Variants in ARVCF observed in about 807,000 individuals in gnomAD.
ARVCF encodes the protein splicing regulator ARVCF.
ARVCF carries 66 observed loss-of-function variants against 90.9 expected under a neutral mutation model. The ratio of observed to expected loss-of-function variants is 0.73; its 90% CI spans 0.60 to 0.89. The LOEUF is 0.89. ARVCF is among the 40% of genes least tolerant of loss of function. ARVCF has a pLI of 0.00. For synonymous variants in ARVCF, 653 were observed against 603.4 expected, an observed-to-expected ratio of 1.08 and a Z score of -1.21; for missense variants, 1,469 against 1,382.3, an observed-to-expected ratio of 1.06 and a Z score of -1.00.
chr22:20,008,329 G>A (rs1323707267), intron 2 of ARVCF, among the ~76,000 whole-genome samples: 2 of 152,156 alleles, frequency 1.3e-5, no homozygotes, highest in African/African-American at 2.4e-5. Context: ...TATGGGAAAC[G>A]GCAGGGCATC....
At position 19,981,662 on chromosome 22, in the gene ARVCF, G is replaced by C. The variant is rs1943510919; in HGVS notation, c.445C>G (p.Leu149Val). Reference sequence around the variant, plus strand: ...GGGCCTAGTGGGGGGCCGCCATCCAGCAGGGGGAGTCCATCTGGGCCCACG... The same window carrying C: ...GGGCCTAGTGGGGGGCCGCCATCCACCAGGGGGAGTCCATCTGGGCCCACG... ...VPVGPDGLPL[L>V]DGGPPLGPFA... is the part of the protein sequence containing the mutation. The change falls in exon 5 of 20, where the codon CTG becomes GTG. Residue 149 changes from leucine (L) to valine (V), a missense_variant. By Grantham distance (32) the Leu-to-Val change is conservative. Coordinates refer to ENST00000263207, the MANE Select transcript of ARVCF (RefSeq NM_001670.3). 1 of 1,608,538 alleles carries C rather than the reference G, an allele frequency of 6.2e-7. No individual in the cohort carries two copies.
intron 1 of ARVCF, among the ~76,000 whole-genome samples, chr22:20,014,355 C>T (rs1391818756): frequency 4.6e-5 from 7 of 151,132 alleles, no homozygotes; most frequent in African/African-American, 1.2e-4. Context: ...CCACCATGCC[C>T]GACTAATTTT....
chr22:19,977,906 G>C (rs574458120), intron 8 of ARVCF, 52 bp downstream of exon 8: 1 of 1,535,792 alleles, frequency 6.5e-7, no homozygotes, highest in African/African-American at 1.4e-5. Flanking sequence ...CCTGGGACCT[G>C]CATGATCGTC....
At chr22:19,966,960 A>G, downstream of ARVCF, 22 of 985,432 alleles carry the variant, frequency 2.2e-5, no homozygotes, top group Non-Finnish European at 2.7e-5. Flanking sequence ...AGTCCTGCTC[A>G]GACGCTGATG....
At chr22:19,974,593 T>C (rs1447949395) in intron 11 of ARVCF, among the ~76,000 whole-genome samples, 1 of 151,870 alleles carries the variant, frequency 6.6e-6, no homozygotes, top group Non-Finnish European at 1.5e-5. Flanking sequence ...CCCCTGGTAA[T>C]AGGGCCCACC....
chr22:20,013,895 C>T lies in ARVCF; in HGVS notation c.-73+2694G>A, dbSNP rs1490456007. Among the ~76,000 whole-genome samples the T allele has an allele frequency of 5.3e-5, 8 of 151,936 alleles. No individual in the cohort carries two copies. The East Asian group carries it at 5.8e-4, about 11-fold the overall frequency. ...GGTATTTTTTTTTCTTTTTTTGAGACGGAGTCTCACCCTGTCACCCAGGCT... is the reference window on the plus strand; with the variant it reads ...GGTATTTTTTTTTCTTTTTTTGAGATGGAGTCTCACCCTGTCACCCAGGCT... On this transcript the variant is annotated intron_variant, in intron 1 of 19. Transcript: ENST00000263207.
At chr22:19,973,858 G>A in intron 12 of ARVCF, 65 bp from the exon 13 acceptor site, 5 of 1,554,724 alleles carry the variant, frequency 3.2e-6, no homozygotes, top group Non-Finnish European at 4.3e-6. Flanking sequence ...TCCAGACGCT[G>A]ACCGCTCTCT....
rs974304852 is a variant in ARVCF, at chr22:19,978,153, C to T, written c.1581-78G>A. Reference sequence around the variant, plus strand: ...CTCCACCCTGGCCTTGTGGGCTTGTCTTCATCTGCAAAATAGGCCCTGCTG... The same window carrying T: ...CTCCACCCTGGCCTTGTGGGCTTGTTTTCATCTGCAAAATAGGCCCTGCTG... On this transcript the variant is annotated intron_variant, in intron 7 of 19. Coordinates refer to ENST00000263207, the MANE Select transcript of ARVCF (RefSeq NM_001670.3). 5 of 1,334,914 alleles carry T rather than the reference C, an allele frequency of 3.7e-6. No individual in the cohort carries two copies. The African/African-American group carries it at 7.3e-5, about 20-fold the overall frequency. 82.7% of individuals were successfully genotyped at this position (1,334,914 alleles called of 1,614,324 possible). A position where few individuals can be genotyped will look rare whatever the true frequency, so the allele number is the denominator to read the frequency against.
chr22:19,995,841 C>T (rs1343735889), intron 2 of ARVCF, among the ~76,000 whole-genome samples: 2 of 152,142 alleles, frequency 1.3e-5, no homozygotes, highest in South Asian at 2.1e-4. Flanking sequence ...CTCCCATACC[C>T]CCTTTCCCCT....
chr22:19,990,744 C>T lies in ARVCF; in HGVS notation c.51G>A (p.Lys17=). 6.3e-7 allele frequency: 1 copy of T among 1,590,916 alleles called. No individual in the cohort carries two copies. Among genetic ancestry groups the T allele is most frequent in the Non-Finnish European group, 8.6e-7 (1 of 1,168,326 alleles). Residue 17 remains lysine (K), a synonymous_variant, in exon 3 of 20, where the codon AAG becomes AAA. Coordinates refer to ENST00000263207, the MANE Select transcript of ARVCF (RefSeq NM_001670.3). ...GCCTCTCGAAGCGGGCCTCCTGCTC[C>T]TTCACCGAGGCCAGGATGCTGGCGG... ...HSAASILASV[K]EQEARFERLT...
chr22:19,975,642 C>T, intron 11 of ARVCF, 44 bp downstream of exon 11: 1 of 1,609,596 alleles, frequency 6.2e-7, no homozygotes, highest in Non-Finnish European at 8.5e-7. Flanking sequence ...AATCCTGAGC[C>T]CAGACATCCC....
chr22:19,998,353 C>G (rs1318177760), intron 2 of ARVCF, among the ~76,000 whole-genome samples: 2 of 152,230 alleles, frequency 1.3e-5, no homozygotes, highest in African/African-American at 2.4e-5. Context: ...CACAAAGCCC[C>G]TTTGAGGGGA....
intron 7 of ARVCF, 95 bp from the exon 8 acceptor site, chr22:19,978,170 G>T: frequency 9.0e-7 from 1 of 1,116,810 alleles, no homozygotes; most frequent in Non-Finnish European, 1.3e-6. Flanking sequence ...TGCAAAATAG[G>T]CCCTGCTGCT....
chr22:19,965,264 C>A (rs1018385782), downstream of ARVCF: 1 of 152,316 alleles, frequency 6.6e-6, no homozygotes, highest in African/African-American at 2.4e-5. Context: ...GTAACCCTTG[C>A]ACTTTGGGAG....
At chr22:19,977,915 T>C in intron 8 of ARVCF, 43 bp downstream of exon 8, 1 of 1,549,384 alleles carries the variant, frequency 6.5e-7, no homozygotes, top group Non-Finnish European at 8.8e-7. Context: ...TGCATGATCG[T>C]CTCTCCAGCC....
At chr22:20,006,795 C>A (rs190702868) in intron 2 of ARVCF, among the ~76,000 whole-genome samples, 5 of 151,456 alleles carry the variant, frequency 3.3e-5, no homozygotes, top group African/African-American at 1.2e-4. Flanking sequence ...CCATGCCTAG[C>A]TAATTTTTGT....
chr22:19,972,611 G>C, intron 16 of ARVCF, 126 bp downstream of exon 16: 1 of 1,201,062 alleles, frequency 8.3e-7, no homozygotes, highest in Non-Finnish European at 1.2e-6. Flanking sequence ...GCAGAGGGCA[G>C]GGAAAGTGGC....
At chr22:19,983,950 C>T (rs140683235) in intron 3 of ARVCF, among the ~76,000 whole-genome samples, 35 of 152,328 alleles carry the variant, frequency 2.3e-4, no homozygotes, top group African/African-American at 7.9e-4. Context: ...GCTTGTGTGG[C>T]CCATCACTGC....
downstream of ARVCF, chr22:19,968,725 G>C: frequency 6.3e-7 from 1 of 1,597,082 alleles, no homozygotes; most frequent in African/African-American, 1.4e-5. Context: ...AGGCAGCGAA[G>C]CAGGGCCCTG....
Sources: gnomAD v4.1 joint callset for allele counts (sites outside exome capture counted in the v4.1 genomes callset) on GRCh38, gnomAD v4.1.1 for gene constraint, MANE v1.5 for transcripts, NCBI Gene and HGNC (gene_info 2026-07-23, HGNC 2026-07-21) for gene names.